The following XYLT1 variants were observed in gnomAD, a reference collection of about 807,000 sequenced individuals.
XYLT1 encodes the protein xylosyltransferase 1, also known as beta-D-xylosyltransferase 1.
A neutral mutation model predicts 91.3 loss-of-function variants in XYLT1; 36 were observed. The ratio of observed to expected loss-of-function variants is 0.39; its 90% CI spans 0.30 to 0.52. The LOEUF is 0.52. XYLT1 is among the 20% of genes least tolerant of loss of function. The pLI, the probability that XYLT1 is intolerant of heterozygous loss-of-function variation, is 0.68. For synonymous variants in XYLT1, 588 were observed against 532.0 expected, an observed-to-expected ratio of 1.11 and a Z score of -1.45; for missense variants, 1,242 against 1,284.5, an observed-to-expected ratio of 0.97 and a Z score of 0.51.
intron 1 of XYLT1, among the ~76,000 whole-genome samples, chr16:17,467,191 T>A (rs1276526670): frequency 6.6e-6 from 1 of 152,124 alleles, no homozygotes; most frequent in Non-Finnish European, 1.5e-5. Context: ...TAATAAAAAA[T>A]TAGATTTCTT....
intron 3 of XYLT1, among the ~76,000 whole-genome samples, chr16:17,218,550 C>T (rs1441500789): frequency 6.6e-6 from 1 of 152,100 alleles, no homozygotes; most frequent in African/African-American, 2.4e-5. Context: ...CTATCGCTTC[C>T]AAAATGTGCC....
rs191503144 is a variant in XYLT1 at position 17,456,091 on chromosome 16, G to A, written c.363+14343C>T. On this transcript the variant is annotated intron_variant, in intron 1 of 11. Transcript: ENST00000261381. ...AGACTATGGATGGAAGGTGGAGGCC[G>A]TCACCCCAGCTTCACTCTGTGCACA... 5.3e-3 allele frequency among the ~76,000 whole-genome samples: 814 copies of A among 152,266 alleles called. 2 individuals carry two copies. The highest frequency in any genetic ancestry group is 9.0e-3 in the Non-Finnish European group (609 of 68,028).
chr16:17,274,778 A>T (rs2033947204), intron 2 of XYLT1, among the ~76,000 whole-genome samples: 1 of 152,180 alleles, frequency 6.6e-6, no homozygotes. Context: ...GTGTGGTGAG[A>T]GGACCAGCCC....
chr16:17,295,960 C>T (rs910544357), intron 2 of XYLT1, among the ~76,000 whole-genome samples: 4 of 152,112 alleles, frequency 2.6e-5, no homozygotes, highest in Non-Finnish European at 4.4e-5. Flanking sequence ...GATGATAACA[C>T]AGACTGTAAA....
Position 17,415,319 on chromosome 16 carries a change from G to C in XYLT1, c.363+55115C>G, listed in dbSNP as rs563117943. Among the ~76,000 whole-genome samples, 437 of 152,308 alleles carry C rather than the reference G, an allele frequency of 2.9e-3. 4 individuals are homozygous for C. Among genetic ancestry groups the C allele is most frequent in the Middle Eastern group, 0.01 (3 of 294 alleles). On this transcript the variant is annotated intron_variant, in intron 1 of 11. Transcript: ENST00000261381. ...TGGTGCAGGAGTTGAGAACACAGCA[G>C]TGAGCAACACTGCTGGAATCCGAGT...
At chr16:17,344,492 CAAA>C (rs199791926) in intron 2 of XYLT1, among the ~76,000 whole-genome samples, 7 of 100,852 alleles carry the variant, frequency 6.9e-5, no homozygotes, top group Admixed American at 2.1e-4. Context: ...GACTCCATCT[CAAA>C]AAAAAAAAAA....
intron 2 of XYLT1, among the ~76,000 whole-genome samples, chr16:17,331,958 A>G (rs929256472): frequency 6.6e-6 from 1 of 152,210 alleles, no homozygotes; most frequent in African/African-American, 2.4e-5. Flanking sequence ...GTGCCTGCCT[A>G]TCCCTGGAGA....
At chr16:17,459,261 A>T (rs1244117535) in intron 1 of XYLT1, among the ~76,000 whole-genome samples, 1 of 151,930 alleles carries the variant, frequency 6.6e-6, no homozygotes, top group Non-Finnish European at 1.5e-5. Context: ...AGTCCCACCT[A>T]CTCAGGGGGC....
chr16:17,115,131 C>T (rs1041576901), intron 11 of XYLT1, among the ~76,000 whole-genome samples: 2 of 151,826 alleles, frequency 1.3e-5, no homozygotes, highest in African/African-American at 4.8e-5. Flanking sequence ...GGTGTGACCA[C>T]CGCACCCGGC....
At chr16:17,222,527 C>T (rs145281221) in intron 3 of XYLT1, among the ~76,000 whole-genome samples, 21 of 152,288 alleles carry the variant, frequency 1.4e-4, no homozygotes, top group African/African-American at 4.1e-4. Context: ...CAGTGGCTTA[C>T]GCCTGTAATC....
chr16:17,398,073 A>G (rs1308071044), intron 1 of XYLT1, among the ~76,000 whole-genome samples: 1 of 152,004 alleles, frequency 6.6e-6, no homozygotes, highest in Non-Finnish European at 1.5e-5. Context: ...GCTCTTTCAC[A>G]TATACGAGTC....
intron 11 of XYLT1, among the ~76,000 whole-genome samples, chr16:17,117,203 T>G (rs1044142509): frequency 1.2e-4 from 19 of 152,348 alleles, no homozygotes; most frequent in African/African-American, 4.3e-4. Flanking sequence ...ATTCTGAACA[T>G]GAGTACTTTA....
At chr16:17,272,378 G>A (rs1273160081) in intron 2 of XYLT1, among the ~76,000 whole-genome samples, 1 of 151,832 alleles carries the variant, frequency 6.6e-6, no homozygotes, top group Non-Finnish European at 1.5e-5. Flanking sequence ...TGGCCAGGCT[G>A]GTCTCGAACT....
chr16:17,199,410 T>C (rs1028681479), intron 4 of XYLT1, among the ~76,000 whole-genome samples: 3 of 152,180 alleles, frequency 2.0e-5, no homozygotes, highest in Non-Finnish European at 4.4e-5. Context: ...CAGTGCTGAG[T>C]AGCTGTGACA....
chr16:17,342,720 T>A (rs537133405), intron 2 of XYLT1, among the ~76,000 whole-genome samples: 1 of 148,030 alleles, frequency 6.8e-6, no homozygotes, highest in African/African-American at 2.6e-5. Context: ...AGACCCTGTC[T>A]CAAAAAAAAA....
chr16:17,257,572 C>T (rs943636380), intron 3 of XYLT1, among the ~76,000 whole-genome samples: 9 of 152,190 alleles, frequency 5.9e-5, no homozygotes, highest in Admixed American at 1.3e-4. Context: ...CAGGGGCTAG[C>T]GGGAGGGAAG....
chr16:17,386,836 T>C (rs940498018), intron 1 of XYLT1, among the ~76,000 whole-genome samples: 2 of 152,208 alleles, frequency 1.3e-5, no homozygotes, highest in African/African-American at 4.8e-5. Context: ...CAGGTGTAGT[T>C]GTCATCATCC....
intron 5 of XYLT1, among the ~76,000 whole-genome samples, chr16:17,188,352 C>T (rs2032234248): frequency 6.6e-6 from 1 of 152,218 alleles, no homozygotes; most frequent in South Asian, 2.1e-4. Context: ...AACAGGACAT[C>T]TCAAGTGCCC....
chr16:17,314,242 G>A (rs537087727), intron 2 of XYLT1, among the ~76,000 whole-genome samples: 100 of 152,252 alleles, frequency 6.6e-4, no homozygotes, highest in Non-Finnish European at 1.1e-3. Context: ...AAGTTAACAC[G>A]TCACTGGCTC....
Sources: gnomAD v4.1 joint callset for allele counts (sites outside exome capture counted in the v4.1 genomes callset) on GRCh38, gnomAD v4.1.1 for gene constraint, MANE v1.5 for transcripts, NCBI Gene and HGNC (gene_info 2026-07-23, HGNC 2026-07-21) for gene names.